FHOD3: variants seen among roughly 807,000 people sequenced by gnomAD.
FHOD3 encodes formin homology 2 domain containing 3.
In FHOD3, 90 loss-of-function variants were observed where a neutral mutation model predicts 173.0. The ratio of observed to expected loss-of-function variants is 0.52; its 90% confidence interval spans 0.44 to 0.62. The LOEUF (loss-of-function observed/expected upper bound fraction) is 0.62. Among genes scored for constraint, FHOD3 ranks in the 20% least tolerant of loss-of-function variants. The pLI is 0.00. For synonymous variants in FHOD3, 828 were observed against 823.0 expected (o/e 1.01, Z -0.10); for missense variants, 1,945 against 2,034.7 (o/e 0.96, Z 0.85).
intron 3 of FHOD3, among the ~76,000 whole-genome samples, chr18:36,495,893 A>G (rs2054720529): frequency 6.6e-6 from 1 of 152,220 alleles, no homozygotes; most frequent in African/African-American, 2.4e-5. Context: ...TGCATAACCC[A>G]GACTGAAAAT....
chr18:36,509,258 A>T (rs953772434), intron 4 of FHOD3, among the ~76,000 whole-genome samples: 1 of 152,160 alleles, frequency 6.6e-6, no homozygotes, highest in Non-Finnish European at 1.5e-5. Context: ...TGTGAAAAAC[A>T]GTATTTATGC....
intron 6 of FHOD3, 77 bp from the exon 7 acceptor site, chr18:36,594,710 C>T (rs2030012238): frequency 3.1e-5 from 30 of 969,680 alleles, no homozygotes; most frequent in South Asian, 2.7e-4. Flanking sequence ...GCTGGGTGCC[C>T]GCTGCGGTTA....
Position 36,312,177 on chromosome 18 carries a change from T to C in FHOD3, c.165+14177T>C, listed in dbSNP as rs563013694. ...TAGAATCTCACAGCAGCAATTGCTGTTTCTGATGGTCCCCTTTGAGGAATG... is the reference window on the plus strand; with the variant it reads ...TAGAATCTCACAGCAGCAATTGCTGCTTCTGATGGTCCCCTTTGAGGAATG... On this transcript the variant is annotated intron_variant, in intron 1 of 28. Transcript: ENST00000590592. Among the ~76,000 whole-genome samples the C allele has an allele frequency of 7.9e-5, 12 of 152,334 alleles. No homozygotes were observed. In the South Asian group the frequency reaches 1.7e-3, roughly 21 times the overall value.
At chr18:36,600,695 G>A (rs978742934) in intron 7 of FHOD3, among the ~76,000 whole-genome samples, 47 of 152,260 alleles carry the variant, frequency 3.1e-4, no homozygotes, top group African/African-American at 1.0e-3. Context: ...TCTGTTTAAG[G>A]GGAGTACCAA....
In FHOD3 at chr18:36,582,926, G is replaced by A. The variant is rs370425881; in HGVS notation, c.606+6381G>A. ...GCGTGTCTGCGATTGATTGATTCAC[G>A]TTTAAATTCAGGGCCTTGCATTTTT... On this transcript the variant is annotated intron_variant, in intron 6 of 28. Transcript: ENST00000590592. 4.6e-5 allele frequency among the ~76,000 whole-genome samples: 7 copies of A among 152,292 alleles called. No individual in the cohort carries two copies. The East Asian group carries it at 5.8e-4, about 13-fold the overall frequency.
intron 8 of FHOD3, among the ~76,000 whole-genome samples, chr18:36,603,733 C>T (rs2031713701): frequency 6.6e-6 from 1 of 152,190 alleles, no homozygotes; most frequent in South Asian, 2.1e-4. Context: ...TGAACTCTTG[C>T]CCGCATGTGG....
chr18:36,706,567 G>C (rs1343922784), intron 17 of FHOD3, among the ~76,000 whole-genome samples: 1 of 152,330 alleles, frequency 6.6e-6, no homozygotes. Context: ...CCTAATCAGG[G>C]CCAGAGCCGC....
chr18:36,647,653 A>G (rs1265466237), intron 10 of FHOD3, among the ~76,000 whole-genome samples: 2 of 152,360 alleles, frequency 1.3e-5, no homozygotes, highest in Non-Finnish European at 2.9e-5. Context: ...TACACTGTTT[A>G]TGACAGCACT....
At chr18:36,470,662 T>G (rs2053228173) in intron 3 of FHOD3, among the ~76,000 whole-genome samples, 1 of 151,356 alleles carries the variant, frequency 6.6e-6, no homozygotes, top group Non-Finnish European at 1.5e-5. Flanking sequence ...TCATTGGCTT[T>G]GTTTGTTCCC....
intron 1 of FHOD3, among the ~76,000 whole-genome samples, chr18:36,343,089 C>T (rs4384665): frequency 2.6e-5 from 4 of 152,144 alleles, no homozygotes; most frequent in Non-Finnish European, 5.9e-5. Flanking sequence ...AATGATACAG[C>T]CACTTTGGAA....
At chr18:36,351,062 T>A (rs953096036) in intron 1 of FHOD3, among the ~76,000 whole-genome samples, 4 of 151,818 alleles carry the variant, frequency 2.6e-5, no homozygotes, top group Admixed American at 2.6e-4. Context: ...TGGGCTGGGG[T>A]TTGTGTGGTG....
At chr18:36,750,237 G>A (rs1215931051) in intron 24 of FHOD3, among the ~76,000 whole-genome samples, 14 of 152,112 alleles carry the variant, frequency 9.2e-5, no homozygotes, top group African/African-American at 2.2e-4. Context: ...GCAGTGAGCC[G>A]AGACAGTGCC....
At chr18:36,379,220 A>T (rs1030279523) in intron 3 of FHOD3, among the ~76,000 whole-genome samples, 1 of 152,208 alleles carries the variant, frequency 6.6e-6, no homozygotes, top group Non-Finnish European at 1.5e-5. Flanking sequence ...AACCTTCTGG[A>T]TAGGGCTGGA....
intron 2 of FHOD3, among the ~76,000 whole-genome samples, chr18:36,356,697 G>A (rs566644824): frequency 6.6e-6 from 1 of 152,156 alleles, no homozygotes; most frequent in South Asian, 2.1e-4. Context: ...GTGTAGTGGT[G>A]TGATCTCGGC....
intron 3 of FHOD3, among the ~76,000 whole-genome samples, chr18:36,384,403 A>G (rs2047929334): frequency 6.6e-6 from 1 of 151,676 alleles, no homozygotes; most frequent in African/African-American, 2.4e-5. Context: ...AACAAACACA[A>G]AAAACACCTC....
At chr18:36,470,253 A>G (rs570409434) in intron 3 of FHOD3, among the ~76,000 whole-genome samples, 5 of 152,330 alleles carry the variant, frequency 3.3e-5, no homozygotes, top group African/African-American at 1.2e-4. Flanking sequence ...TTGTCTGCCC[A>G]ATGCTGAATA....
chr18:36,509,186 G>A lies in FHOD3; in HGVS notation c.406-3252G>A, dbSNP rs527865114. 1.1e-4 allele frequency among the ~76,000 whole-genome samples: 16 copies of A among 152,240 alleles called. No individual in the cohort carries two copies. The South Asian group carries it at 3.3e-3, about 32-fold the overall frequency. On this transcript the variant is annotated intron_variant, in intron 4 of 28. Transcript: ENST00000590592. ...AAGAAAAAAACTCTTTGAATTAAAA[G>A]ATGTTCAAGAGTCATATCAACTAAC... is the stretch of plus-strand genomic sequence containing the variant.
In FHOD3 at chr18:36,520,781, T is replaced by G. The variant is rs16967925; in HGVS notation, c.511+8238T>G. The stretch of plus-strand genomic sequence containing the variant: ...GAGATGAGAAGGAAGAAAGAAAAAG[T>G]TATTTGGCCATTCCTACACAGAGAG... On this transcript the variant is annotated intron_variant, in intron 5 of 28. Transcript: ENST00000590592. Among the ~76,000 whole-genome samples the G allele has an allele frequency of 5.5e-3, 839 of 152,348 alleles. 5 individuals are homozygous for G. The highest frequency in any genetic ancestry group is 0.019 in the African/African-American group (807 of 41,582).
At chr18:36,653,122 GA>G (rs1246774541) in intron 12 of FHOD3, among the ~76,000 whole-genome samples, 193 bp downstream of exon 12, 13 of 152,348 alleles carry the variant, frequency 8.5e-5, no homozygotes, top group African/African-American at 3.1e-4. Context: ...AAGATGCAGA[GA>G]AAATTGTCAT....
Sources: allele counts gnomAD v4.1 joint callset (sites outside exome capture counted in the v4.1 genomes callset), GRCh38; gene constraint gnomAD v4.1.1; transcripts MANE v1.5; gene names NCBI Gene and HGNC (gene_info 2026-07-23, HGNC 2026-07-21).